TRMT10A: variants seen among roughly 807,000 people sequenced by gnomAD.
TRMT10A encodes tRNA methyltransferase 10A.
TRMT10A carries 37 observed loss-of-function variants against 40.4 expected under a neutral mutation model. The ratio of observed to expected loss-of-function variants is 0.92; its 90% CI spans 0.71 to 1.21. The LOEUF (loss-of-function observed/expected upper bound fraction) is 1.21. Among genes scored for constraint, TRMT10A ranks in the 50% most tolerant of loss-of-function variants. TRMT10A has a pLI of 0.00. For missense variants in TRMT10A, 388 were observed against 404.3 expected (o/e 0.96, Z 0.35); for synonymous variants, 103 against 134.1 (o/e 0.77, Z 1.60).
chr4:99,559,054 T>A, intron 2 of TRMT10A, 100 bp downstream of exon 2: 2 of 1,215,304 alleles, frequency 1.6e-6, no homozygotes, highest in Non-Finnish European at 2.2e-6. Flanking sequence ...AATTGAATTT[T>A]AAGTAACACA....
chr4:99,557,096 A>C (rs1049579391), intron 4 of TRMT10A, among the ~76,000 whole-genome samples: 1 of 152,210 alleles, frequency 6.6e-6, no homozygotes, highest in Admixed American at 6.5e-5. Flanking sequence ...CAATGAAGAT[A>C]TCAACTACAG....
intron 1 of TRMT10A, among the ~76,000 whole-genome samples, chr4:99,562,236 C>A (rs1488024778): frequency 8.3e-6 from 1 of 121,124 alleles, no homozygotes; most frequent in Non-Finnish European, 1.7e-5. Context: ...TGAAATTTTA[C>A]TCCTGCATAA....
chr4:99,561,820 T>C (rs933256807), intron 1 of TRMT10A, among the ~76,000 whole-genome samples: 1 of 152,200 alleles, frequency 6.6e-6, no homozygotes, highest in African/African-American at 2.4e-5. Flanking sequence ...ATGCTCACAG[T>C]ACATTTTCAT....
chr4:99,556,034 A>T, intron 5 of TRMT10A, 112 bp downstream of exon 5: 1 of 894,920 alleles, frequency 1.1e-6, no homozygotes, highest in Non-Finnish European at 1.7e-6. Context: ...CAGAGATTGC[A>T]TCTGGAGATT....
At chr4:99,557,129 T>A (rs1199793443) in intron 4 of TRMT10A, among the ~76,000 whole-genome samples, 1 of 152,182 alleles carries the variant, frequency 6.6e-6, no homozygotes, top group Non-Finnish European at 1.5e-5. Flanking sequence ...CCAATTTGTA[T>A]AAGACTGATG....
rs1476649980 is a variant in TRMT10A, at chr4:99,547,246, CACCAAAAGCCAGGAAGAGGCTAGGAAGTA to C, written c.*1813_*1841del. On this transcript the variant is annotated 3_prime_UTR_variant, in exon 8 of 8. Transcript: ENST00000394876. ...AGGAACAGCAGGGATTGCTGGCAAC[CACCAAAAGCCAGGAAGAGGCTAGGAAGTA>C]TTCTTTCCTAGGGCCTAAGGAGGAA... is the stretch of plus-strand genomic sequence containing the variant. The C allele has an allele frequency of 2.0e-5, 3 of 152,106 alleles. No individual in the cohort carries two copies. The South Asian group carries it at 6.2e-4, about 32-fold the overall frequency. The allele number at this position is 152,106 out of a possible 1,614,324, so 9.4% of individuals were successfully genotyped here.
chr4:99,561,938 G>A (rs1188160963), intron 1 of TRMT10A, among the ~76,000 whole-genome samples: 2 of 152,230 alleles, frequency 1.3e-5, no homozygotes, highest in South Asian at 2.1e-4. Flanking sequence ...CCAACACTTT[G>A]GGAGGCTGAG....
chr4:99,560,688 T>A (rs914854505), intron 1 of TRMT10A, among the ~76,000 whole-genome samples: 1 of 152,126 alleles, frequency 6.6e-6, no homozygotes, highest in African/African-American at 2.4e-5. Flanking sequence ...TTAAAAAATA[T>A]GTATTTTGAT....
intron 5 of TRMT10A, among the ~76,000 whole-genome samples, 185 bp from the exon 6 acceptor site, chr4:99,554,119 C>A (rs924055813): frequency 6.6e-6 from 1 of 152,128 alleles, no homozygotes; most frequent in African/African-American, 2.4e-5. Flanking sequence ...ACACTTTGAT[C>A]ATTTAAATAG....
Position 99,547,767 on chromosome 4 carries a change from A to G in TRMT10A, c.*1321T>C, listed in dbSNP as rs923919578. The stretch of plus-strand genomic sequence containing the variant: ...CCAATAAACTTTCTGTTGTGTATAT[A>G]TATGTTAGTATGTAACATATATAGT... On this transcript the variant is annotated 3_prime_UTR_variant, in exon 8 of 8. Coordinates refer to ENST00000394876, the MANE Select transcript of TRMT10A (RefSeq NM_001134665.3). The G allele has an allele frequency of 6.6e-6, 1 of 152,022 alleles. No homozygotes were observed. The highest frequency in any genetic ancestry group is 1.5e-5 in the Non-Finnish European group (1 of 67,968). The allele number at this position is 152,022 out of a possible 1,614,324, so 9.4% of individuals were successfully genotyped here. A position where few individuals can be genotyped will look rare whatever the true frequency, so the allele number is the denominator to read the frequency against.
In TRMT10A at chr4:99,548,631, C is replaced by A. The variant is rs1723830565; in HGVS notation, c.*457G>T. On this transcript the variant is annotated 3_prime_UTR_variant, in exon 8 of 8. Transcript: ENST00000394876. ...GTAACTAATTTAAACATAAAAGCTG[C>A]AAATAGAGGGTAACCTACCATACAC... 2 of 152,314 alleles carry A rather than the reference C, an allele frequency of 1.3e-5. No individual in the cohort carries two copies. Among genetic ancestry groups the A allele is most frequent in the Admixed American group, 1.3e-4 (2 of 15,282 alleles). The allele number at this position is 152,314 out of a possible 1,614,324, so 9.4% of individuals were successfully genotyped here.
Position 99,557,412 on chromosome 4 carries a change from A to G in TRMT10A, c.353T>C (p.Ile118Thr). The change falls in exon 4 of 8, where the codon ATT becomes ACT. Residue 118 changes from isoleucine to threonine, a missense_variant. Transcript: ENST00000394876. ...SFDHLMVLKDIKKLHKQIQRC... is the reference protein window; with the variant it reads ...SFDHLMVLKDTKKLHKQIQRC... ...TTGAATCTGCTTATGAAGTTTCTTA[A>G]TGTCCTATCACAGAGTTCAATTTTT... 6.2e-7 allele frequency: 1 copy of G among 1,613,262 alleles called. No individual in the cohort carries two copies. Among genetic ancestry groups the G allele is most frequent in the African/African-American group, 1.3e-5 (1 of 75,024 alleles).
rs1382103857 is a variant in TRMT10A at position 99,547,774 on chromosome 4, A to G, written c.*1314T>C. On this transcript the variant is annotated 3_prime_UTR_variant, in exon 8 of 8. Transcript: ENST00000394876. ...ACTTTCTGTTGTGTATATATATGTT[A>G]GTATGTAACATATATAGTATGTTAT... is the stretch of plus-strand genomic sequence containing the variant. The G allele has an allele frequency of 1.3e-5, 2 of 152,064 alleles. No individual in the cohort carries two copies. The highest frequency in any genetic ancestry group is 2.9e-5 in the Non-Finnish European group (2 of 67,966). The allele number at this position is 152,064 out of a possible 1,614,324, so 9.4% of individuals were successfully genotyped here.
chr4:99,560,073 CTT>C (rs1724328183), intron 1 of TRMT10A, among the ~76,000 whole-genome samples: 1 of 151,832 alleles, frequency 6.6e-6, no homozygotes, highest in Admixed American at 6.6e-5. Flanking sequence ...TTTCTATAGT[CTT>C]TTTTAATGCT....
In TRMT10A at chr4:99,548,929, A is replaced by T; in HGVS notation, c.*159T>A. On this transcript the variant is annotated 3_prime_UTR_variant, in exon 8 of 8. Coordinates refer to ENST00000394876, the MANE Select transcript of TRMT10A (RefSeq NM_001134665.3). ...CAAAAAATATTTCCTTACAAAGTTT[A>T]AAGGGCTTTTTTTTTTATTATTATT... 1 of 672,500 alleles carries T rather than the reference A, an allele frequency of 1.5e-6. No homozygotes were observed. The highest frequency in any genetic ancestry group is 2.2e-6 in the Non-Finnish European group (1 of 446,974). 41.7% of individuals were successfully genotyped at this position (672,500 alleles called of 1,614,324 possible).
At position 99,553,059 on chromosome 4, in the gene TRMT10A, A is replaced by G. The variant is rs887626534; in HGVS notation, c.645+726T>C. On this transcript the variant is annotated intron_variant, in intron 6 of 7. Coordinates refer to ENST00000394876, the MANE Select transcript of TRMT10A (RefSeq NM_001134665.3). ...AAAGGCTAAAAGATCATTCTGATAA[A>G]ATTCCCTATGATGCAATAGAGCTGC... Among the ~76,000 whole-genome samples, 4 of 152,182 alleles carry G rather than the reference A, an allele frequency of 2.6e-5. 1 individual carries two copies. The East Asian group carries it at 5.8e-4, about 22-fold the overall frequency.
Position 99,548,953 on chromosome 4 carries a change from T to A in TRMT10A, c.*135A>T. ...TAAAGGGCTTTTTTTTTTATTATTA[T>A]TTAGGTCCAAAAAAAAGTTTTTAAA... On this transcript the variant is annotated 3_prime_UTR_variant, in exon 8 of 8. Coordinates refer to ENST00000394876, the MANE Select transcript of TRMT10A (RefSeq NM_001134665.3). The A allele has an allele frequency of 1.2e-6, 1 of 832,734 alleles. No homozygotes were observed. Among genetic ancestry groups the A allele is most frequent in the Non-Finnish European group, 1.7e-6 (1 of 583,992 alleles). 51.6% of individuals were successfully genotyped at this position (832,734 alleles called of 1,614,324 possible).
Position 99,550,884 on chromosome 4 carries a change from C to A in TRMT10A, c.751+1G>T. The stretch of plus-strand genomic sequence containing the variant: ...TTTTCAGTTTATCCCTTACAGCTTA[C>A]CATGATTAACTGCCAAAACTTTTCG... On this transcript the variant is annotated splice_donor_variant, in intron 7 of 7. Coordinates refer to ENST00000394876, the MANE Select transcript of TRMT10A (RefSeq NM_001134665.3). LOFTEE classifies it high-confidence loss of function. 1 of 1,608,368 alleles carries A rather than the reference C, an allele frequency of 6.2e-7. No homozygotes were observed. Among genetic ancestry groups the A allele is most frequent in the Middle Eastern group, 1.7e-4 (1 of 6,036 alleles).
At position 99,549,326 on chromosome 4, in the gene TRMT10A, G is replaced by A. The variant is rs1723873940; in HGVS notation, c.782C>T (p.Thr261Ile). Residue 261 changes from threonine (T) to isoleucine (I), a missense_variant, in exon 8 of 8, where the codon ACA becomes ATA. Transcript: ENST00000394876. ...VFEIILEYLE[T>I]RDWQEAFFTI... ...AAAAAATGCTTCTTGCCAGTCTCTT[G>A]TTTCCAGGTATTCCAGAATAATTTC... 6.2e-7 allele frequency: 1 copy of A among 1,614,060 alleles called. No individual in the cohort carries two copies. The highest frequency in any genetic ancestry group is 8.5e-7 in the Non-Finnish European group (1 of 1,179,978).
Sources: gnomAD v4.1 joint callset for allele counts (sites outside exome capture counted in the v4.1 genomes callset) on GRCh38, gnomAD v4.1.1 for gene constraint, MANE v1.5 for transcripts, NCBI Gene and HGNC (gene_info 2026-07-23, HGNC 2026-07-21) for gene names.